Variants in TPST1 observed in about 807,000 individuals in gnomAD.
TPST1 encodes the protein protein-tyrosine sulfotransferase 1.
TPST1 carries 20 observed loss-of-function variants against 34.8 expected under a neutral mutation model. The ratio of observed to expected loss-of-function variants is 0.57; its 90% confidence interval spans 0.40 to 0.84. The LOEUF is 0.84. Ranked by LOEUF, TPST1 falls within the 40% of genes least tolerant of loss-of-function variation. The pLI is 0.00. For synonymous variants in TPST1, 152 were observed against 159.4 expected (o/e 0.95, Z 0.35); for missense variants, 353 against 455.5 (o/e 0.78, Z 2.05).
chr7:66,263,168 G>A (rs887975771), intron 2 of TPST1, among the ~76,000 whole-genome samples: 16 of 151,996 alleles, frequency 1.1e-4, no homozygotes, highest in African/African-American at 3.9e-4. Flanking sequence ...ACAGGTTAAA[G>A]GGAAAAAGAA....
intron 2 of TPST1, among the ~76,000 whole-genome samples, chr7:66,254,477 C>T (rs906023377): frequency 6.6e-5 from 10 of 152,128 alleles, no homozygotes; most frequent in Admixed American, 5.9e-4. Context: ...GATCTCAGCT[C>T]ACTGCAACCT....
At chr7:66,274,573 A>C (rs905602259) in intron 2 of TPST1, among the ~76,000 whole-genome samples, 25 of 152,288 alleles carry the variant, frequency 1.6e-4, no homozygotes, top group Non-Finnish European at 3.4e-4. Context: ...GGCAACAAAA[A>C]CAAAAATGGT....
At chr7:66,323,977 G>A (rs1409059526) in intron 3 of TPST1, among the ~76,000 whole-genome samples, 1 of 152,180 alleles carries the variant, frequency 6.6e-6, no homozygotes, top group African/African-American at 2.4e-5. Context: ...CAGTCAGAAG[G>A]TGGAAACAAC....
chr7:66,306,733 A>G (rs1335919894), intron 3 of TPST1, among the ~76,000 whole-genome samples: 1 of 152,068 alleles, frequency 6.6e-6, no homozygotes, highest in Non-Finnish European at 1.5e-5. Context: ...GTGTTTTGAG[A>G]TGGAGTTTCA....
chr7:66,225,582 A>G (rs1413326626), intron 1 of TPST1, among the ~76,000 whole-genome samples: 1 of 100,416 alleles, frequency 1.0e-5, no homozygotes, highest in Admixed American at 9.7e-5. Flanking sequence ...ATTGCACTCC[A>G]GCCTGGGTGA....
chr7:66,330,682 T>C (rs1408947846), intron 3 of TPST1, among the ~76,000 whole-genome samples: 1 of 152,122 alleles, frequency 6.6e-6, no homozygotes, highest in Non-Finnish European at 1.5e-5. Flanking sequence ...CCTAACAATC[T>C]AAAATCTACC....
At chr7:66,273,310 G>T (rs1790740866) in intron 2 of TPST1, among the ~76,000 whole-genome samples, 7 of 152,144 alleles carry the variant, frequency 4.6e-5, no homozygotes, top group Admixed American at 4.6e-4. Context: ...AACATATCCT[G>T]TATTCGTGGA....
At chr7:66,325,692 G>A (rs1174815191) in intron 3 of TPST1, among the ~76,000 whole-genome samples, 1 of 152,098 alleles carries the variant, frequency 6.6e-6, no homozygotes, top group East Asian at 1.9e-4. Flanking sequence ...CTGGAGTGCA[G>A]TGGCATTATC....
At chr7:66,225,560 C>T (rs996191120) in intron 1 of TPST1, among the ~76,000 whole-genome samples, 1 of 151,890 alleles carries the variant, frequency 6.6e-6, no homozygotes, top group Non-Finnish European at 1.5e-5. Flanking sequence ...TGCAGTGAGC[C>T]GAGATTGTGC....
At chr7:66,200,911 A>G (rs1389429113), upstream of TPST1, among the ~76,000 whole-genome samples, 1 of 151,868 alleles carries the variant, frequency 6.6e-6, no homozygotes, top group Non-Finnish European at 1.5e-5. Flanking sequence ...TGTTTTTAGT[A>G]GAGATTGGGT....
intron 2 of TPST1, among the ~76,000 whole-genome samples, chr7:66,267,472 C>T (rs920071317): frequency 6.6e-6 from 1 of 151,690 alleles, no homozygotes; most frequent in Non-Finnish European, 1.5e-5. Flanking sequence ...TTTGTTCTTA[C>T]AAAGAATGCA....
chr7:66,242,646 A>G (rs1293822502), intron 2 of TPST1, among the ~76,000 whole-genome samples: 1 of 152,160 alleles, frequency 6.6e-6, no homozygotes, highest in African/African-American at 2.4e-5. Context: ...CACCTGTATT[A>G]GGTATTTCAG....
At chr7:66,328,863 T>TCC (rs1791928068) in intron 3 of TPST1, among the ~76,000 whole-genome samples, 1 of 11,446 alleles carries the variant, frequency 8.7e-5, no homozygotes, top group Non-Finnish European at 2.0e-4. Flanking sequence ...TCTCCCGCTC[T>TCC]CTCTCTCTCT....
intron 4 of TPST1, among the ~76,000 whole-genome samples, chr7:66,354,051 T>C (rs1465438467): frequency 1.3e-5 from 2 of 152,222 alleles, no homozygotes; most frequent in East Asian, 1.9e-4. Flanking sequence ...CATTCACTTA[T>C]TCACCAATTG....
intron 3 of TPST1, among the ~76,000 whole-genome samples, chr7:66,325,569 T>C (rs1273809248): frequency 6.6e-6 from 1 of 151,834 alleles, no homozygotes; most frequent in Non-Finnish European, 1.5e-5. Context: ...TTCTCCCACC[T>C]CACCCTCCTA....
chr7:66,233,223 C>T (rs1314002460), intron 1 of TPST1, among the ~76,000 whole-genome samples: 1 of 151,822 alleles, frequency 6.6e-6, no homozygotes, highest in African/African-American at 2.4e-5. Context: ...TCCAGTTTAT[C>T]CATTTTTGGT....
At chr7:66,301,170 A>G (rs1791308937) in intron 3 of TPST1, among the ~76,000 whole-genome samples, 1 of 152,192 alleles carries the variant, frequency 6.6e-6, no homozygotes, top group Non-Finnish European at 1.5e-5. Flanking sequence ...TGAAAATTGC[A>G]TTTTTATGTT....
intron 4 of TPST1, among the ~76,000 whole-genome samples, chr7:66,354,203 A>G (rs1271257942): frequency 6.6e-6 from 1 of 152,204 alleles, no homozygotes; most frequent in East Asian, 1.9e-4. Context: ...CTCTGGGCCC[A>G]GGCTGGGCAT....
chr7:66,229,448 T>G (rs530600099), intron 1 of TPST1, among the ~76,000 whole-genome samples: 1 of 152,308 alleles, frequency 6.6e-6, no homozygotes, highest in Admixed American at 6.5e-5. Flanking sequence ...GCCTTTGAGA[T>G]TCATCCAAGT....
Sources: allele counts gnomAD v4.1 joint callset (sites outside exome capture counted in the v4.1 genomes callset), GRCh38; gene constraint gnomAD v4.1.1; transcripts MANE v1.5; gene names NCBI Gene and HGNC (gene_info 2026-07-23, HGNC 2026-07-21).